NARS2: variants seen among roughly 807,000 people sequenced by gnomAD.
NARS2 encodes the protein asparaginyl-tRNA synthetase.
NARS2 carries 60 observed loss-of-function variants against 62.9 expected under a neutral mutation model. The ratio of observed to expected loss-of-function variants is 0.95; its 90% confidence interval spans 0.77 to 1.18. The LOEUF is 1.18. Ranked by LOEUF, NARS2 falls within the 50% of genes most tolerant of loss-of-function variation. NARS2 has a pLI of 0.00. For missense variants in NARS2, 619 were observed against 576.4 expected (o/e 1.07, Z -0.76); for synonymous variants, 196 against 200.0 (o/e 0.98, Z 0.17).
intron 11 of NARS2, among the ~76,000 whole-genome samples, chr11:78,461,165 G>A (rs1040383055): frequency 6.6e-6 from 1 of 152,126 alleles, no homozygotes; most frequent in Non-Finnish European, 1.5e-5. Flanking sequence ...TATGAGTCTA[G>A]AGCTCAGAGA....
intron 7 of NARS2, among the ~76,000 whole-genome samples, chr11:78,490,288 C>T (rs115192685): frequency 0.011 from 1,643 of 152,274 alleles, 33 homozygotes; most frequent in African/African-American, 0.039. Flanking sequence ...CCTGGGATAA[C>T]TGATCTCTCT....
At chr11:78,488,349 G>C (rs907949313) in intron 7 of NARS2, among the ~76,000 whole-genome samples, 4 of 152,150 alleles carry the variant, frequency 2.6e-5, no homozygotes, top group Non-Finnish European at 5.9e-5. Context: ...ACGTGAAAGA[G>C]GGAGGCATGA....
At chr11:78,493,637 G>A (rs559388737) in intron 6 of NARS2, among the ~76,000 whole-genome samples, 11 of 150,346 alleles carry the variant, frequency 7.3e-5, no homozygotes, top group Middle Eastern at 3.4e-3. Flanking sequence ...TGGCCTGGGC[G>A]AGAGTGAGAT....
At chr11:78,462,875 A>G (rs1461558218) in intron 11 of NARS2, among the ~76,000 whole-genome samples, 1 of 151,410 alleles carries the variant, frequency 6.6e-6, no homozygotes, top group Non-Finnish European at 1.5e-5. Flanking sequence ...CCTAATCTAC[A>G]TTTTTGTATA....
chr11:78,521,032 C>T (rs1480977861), intron 6 of NARS2, among the ~76,000 whole-genome samples: 2 of 143,670 alleles, frequency 1.4e-5, no homozygotes, highest in Non-Finnish European at 3.0e-5. Context: ...GCACTCCAGC[C>T]TGGGCGACAG....
intron 6 of NARS2, among the ~76,000 whole-genome samples, chr11:78,504,654 A>C (rs765758421): frequency 2.6e-5 from 4 of 152,136 alleles, no homozygotes; most frequent in Admixed American, 6.5e-5. Context: ...ATTTTCTGTA[A>C]AACACATACA....
At chr11:78,509,029 C>T (rs994477454) in intron 6 of NARS2, among the ~76,000 whole-genome samples, 18 of 151,166 alleles carry the variant, frequency 1.2e-4, no homozygotes, top group African/African-American at 4.4e-4. Context: ...GCAGGAGAAT[C>T]ACTTTAACCC....
chr11:78,515,023 C>T (rs1565251243), intron 6 of NARS2, among the ~76,000 whole-genome samples: 1 of 151,950 alleles, frequency 6.6e-6, no homozygotes, highest in Non-Finnish European at 1.5e-5. Flanking sequence ...GACAAGAGGT[C>T]GCGACAAATT....
In NARS2 at chr11:78,436,519, A is replaced by C. The variant is rs1857414722; in HGVS notation, c.*151T>G. ...ACCCTCAACTTTCTAAGAAAATCAC[A>C]ACCACTTATATTTTTTCTATGATAT... On this transcript the variant is annotated 3_prime_UTR_variant, in exon 14 of 14. Transcript: ENST00000281038. 1.0e-6 allele frequency: 1 copy of C among 968,660 alleles called. No homozygotes were observed. The allele number at this position is 968,660 out of a possible 1,614,324, so 60.0% of individuals were successfully genotyped here. A position where few individuals can be genotyped will look rare whatever the true frequency, so the allele number is the denominator to read the frequency against.
rs745404493 is a variant in NARS2 at position 78,574,380 on chromosome 11, G to C, written c.109C>G (p.Gln37Glu). The C allele has an allele frequency of 6.2e-7, 1 of 1,614,200 alleles. No homozygotes were observed. The highest frequency in any genetic ancestry group is 2.2e-5 in the East Asian group (1 of 44,884). Residue 37 changes from glutamine (Q) to glutamate (E), a missense_variant, in exon 1 of 14, where the codon CAG becomes GAG. Coordinates refer to ENST00000281038, the MANE Select transcript of NARS2 (RefSeq NM_024678.6). ...TTAATGCGCTCCCCACTCGCGTTCT[G>C]AGCCCCGAGAGCGTCCCGCACGCTC... ...KLSVRDALGA[Q>E]NASGERIKIQ... is the part of the protein sequence containing the mutation.
At chr11:78,546,211 C>G (rs531176165) in intron 5 of NARS2, among the ~76,000 whole-genome samples, 1 of 152,220 alleles carries the variant, frequency 6.6e-6, no homozygotes, top group Non-Finnish European at 1.5e-5. Flanking sequence ...GCTGAAACAG[C>G]TGAAGTGTAG....
At chr11:78,492,968 T>G in intron 7 of NARS2, 95 bp downstream of exon 7, 1 of 1,100,024 alleles carries the variant, frequency 9.1e-7, no homozygotes, top group East Asian at 2.4e-5. Flanking sequence ...TTTCACTTTA[T>G]GAATACCTGT....
intron 6 of NARS2, among the ~76,000 whole-genome samples, chr11:78,511,094 T>C (rs186687471): frequency 6.6e-6 from 1 of 152,302 alleles, no homozygotes; most frequent in East Asian, 1.9e-4. Flanking sequence ...TTTTGTTTTT[T>C]TCAGACAGGG....
intron 1 of NARS2, among the ~76,000 whole-genome samples, chr11:78,572,316 C>T (rs190788591): frequency 6.6e-6 from 1 of 152,152 alleles, no homozygotes; most frequent in Non-Finnish European, 1.5e-5. Flanking sequence ...GCTACTTAAT[C>T]ATCAGAAAAA....
At chr11:78,438,988 T>G (rs373611480) in intron 13 of NARS2, among the ~76,000 whole-genome samples, 2 of 152,168 alleles carry the variant, frequency 1.3e-5, no homozygotes, top group Non-Finnish European at 2.9e-5. Flanking sequence ...CAATTTTTTT[T>G]TTTTTGAGAT....
chr11:78,437,309 T>A (rs575020780), intron 13 of NARS2, among the ~76,000 whole-genome samples: 10 of 152,218 alleles, frequency 6.6e-5, no homozygotes, highest in Non-Finnish European at 1.5e-4. Flanking sequence ...GGGCAGGAAC[T>A]GTGCTTCATT....
Position 78,479,892 on chromosome 11 carries a change from T to C in NARS2, c.823-1209A>G, listed in dbSNP as rs570053417. On this transcript the variant is annotated intron_variant, in intron 7 of 13. Transcript: ENST00000281038. ...GATCTATTTCATGATGTTTCAGTCA[T>C]TGTTAGTGTTATTTATTTATTTATG... 4.6e-5 allele frequency among the ~76,000 whole-genome samples: 7 copies of C among 152,266 alleles called. No individual in the cohort carries two copies. The South Asian group carries it at 6.2e-4, about 13-fold the overall frequency.
At position 78,566,167 on chromosome 11, in the gene NARS2, T is replaced by G; in HGVS notation, c.478A>C (p.Ser160Arg). The G allele has an allele frequency of 1.2e-6, 2 of 1,612,396 alleles. No individual in the cohort carries two copies. The highest frequency in any genetic ancestry group is 1.7e-6 in the Non-Finnish European group (2 of 1,179,056). ...GAATGAATAGCAGCTGTCGCTTCAC[T>G]GCGAATCCTCAATATAGAACCCAGA... ...NVLGSILRIR[S>R]EATAAIHSFF... Residue 160 changes from serine to arginine, a missense_variant, in exon 4 of 14, where the codon AGT becomes CGT. Coordinates refer to ENST00000281038, the MANE Select transcript of NARS2 (RefSeq NM_024678.6).
chr11:78,506,075 G>A (rs1301821056), intron 6 of NARS2, among the ~76,000 whole-genome samples: 5 of 152,058 alleles, frequency 3.3e-5, no homozygotes, highest in Non-Finnish European at 4.4e-5. Flanking sequence ...CAAGATATAT[G>A]AACAGCCAGT....
Sources: allele counts gnomAD v4.1 joint callset (sites outside exome capture counted in the v4.1 genomes callset), GRCh38; gene constraint gnomAD v4.1.1; transcripts MANE v1.5; gene names NCBI Gene and HGNC (gene_info 2026-07-23, HGNC 2026-07-21).